Variants in LRMDA observed in about 807,000 individuals in gnomAD.
LRMDA encodes the protein leucine-rich melanocyte differentiation-associated protein.
A neutral mutation model predicts 29.8 loss-of-function variants in LRMDA; 18 were observed. That is an observed-to-expected ratio of 0.60 (90% CI 0.42 to 0.90). The LOEUF (loss-of-function observed/expected upper bound fraction) is 0.90, where lower values mean the gene tolerates loss of function less well. Ranked by LOEUF, LRMDA falls within the 40% of genes least tolerant of loss-of-function variation. LRMDA has a pLI of 0.00. For synonymous variants in LRMDA, 125 were observed against 109.4 expected (o/e 1.14, Z -0.89); for missense variants, 273 against 273.9 (o/e 1.00, Z 0.02).
At chr10:75,636,137 G>A (rs1374682609) in intron 2 of LRMDA, among the ~76,000 whole-genome samples, 2 of 152,280 alleles carry the variant, frequency 1.3e-5, no homozygotes, top group East Asian at 1.9e-4. Context: ...ATGTACCTAT[G>A]TGTAGGTACA....
At chr10:76,428,975 A>C (rs1408146560) in intron 6 of LRMDA, among the ~76,000 whole-genome samples, 1 of 151,940 alleles carries the variant, frequency 6.6e-6, no homozygotes, top group Non-Finnish European at 1.5e-5. Context: ...GTTGCTGAGA[A>C]GTGGACTGAA....
At chr10:76,109,403 A>G (rs1307418976) in intron 5 of LRMDA, among the ~76,000 whole-genome samples, 1 of 152,198 alleles carries the variant, frequency 6.6e-6, no homozygotes, top group East Asian at 1.9e-4. Context: ...TACTCCACCC[A>G]TGTGATAGAT....
chr10:75,724,623 C>T (rs953313103), intron 2 of LRMDA, among the ~76,000 whole-genome samples: 9 of 152,188 alleles, frequency 5.9e-5, no homozygotes, highest in African/African-American at 2.2e-4. Flanking sequence ...TCTGTTCTTC[C>T]TCACTTTGGA....
At chr10:75,928,489 A>G (rs1387752399) in intron 2 of LRMDA, among the ~76,000 whole-genome samples, 1 of 152,156 alleles carries the variant, frequency 6.6e-6, no homozygotes, top group Non-Finnish European at 1.5e-5. Context: ...TTATTACCTC[A>G]GCAGTATCTG....
chr10:75,737,079 G>A (rs902420475), intron 2 of LRMDA, among the ~76,000 whole-genome samples: 3 of 149,778 alleles, frequency 2.0e-5, no homozygotes, highest in Admixed American at 1.3e-4. Flanking sequence ...ACACACACAC[G>A]CACATGCATG....
chr10:75,605,577 C>T (rs1252526197), intron 2 of LRMDA, among the ~76,000 whole-genome samples: 1 of 152,180 alleles, frequency 6.6e-6, no homozygotes, highest in Non-Finnish European at 1.5e-5. Flanking sequence ...ACAGCAGGAC[C>T]CTTGTCCTAA....
At chr10:75,768,556 T>C (rs1458298656) in intron 2 of LRMDA, among the ~76,000 whole-genome samples, 2 of 152,228 alleles carry the variant, frequency 1.3e-5, no homozygotes, top group Non-Finnish European at 2.9e-5. Flanking sequence ...TTCAGCTCAC[T>C]TACCATTTTC....
At chr10:75,497,409 A>G (rs1845059008) in intron 2 of LRMDA, among the ~76,000 whole-genome samples, 1 of 151,960 alleles carries the variant, frequency 6.6e-6, no homozygotes, top group Admixed American at 6.6e-5. Context: ...TACAGACATC[A>G]GTATCCCTCA....
chr10:76,389,407 T>C (rs565104985), intron 6 of LRMDA, among the ~76,000 whole-genome samples: 9 of 152,316 alleles, frequency 5.9e-5, no homozygotes, highest in African/African-American at 2.2e-4. Flanking sequence ...CTGAATTGAC[T>C]CTTCTGTTTT....
intron 2 of LRMDA, among the ~76,000 whole-genome samples, chr10:75,965,044 G>T (rs969029288): frequency 6.6e-6 from 1 of 152,222 alleles, no homozygotes; most frequent in Non-Finnish European, 1.5e-5. Flanking sequence ...GGGATTACAG[G>T]TGTGAGCCAC....
At chr10:75,644,276 G>A (rs1397637414) in intron 2 of LRMDA, among the ~76,000 whole-genome samples, 1 of 152,182 alleles carries the variant, frequency 6.6e-6, no homozygotes, top group Non-Finnish European at 1.5e-5. Context: ...GAGGATGACT[G>A]TGGGGCAGCT....
chr10:75,811,680 C>T (rs762389670), intron 2 of LRMDA, among the ~76,000 whole-genome samples: 13 of 152,150 alleles, frequency 8.5e-5, no homozygotes, highest in South Asian at 4.1e-4. Flanking sequence ...GCTGAGGGCC[C>T]GAGAGGCAGT....
intron 5 of LRMDA, chr10:76,318,381 T>C (rs1212403872): frequency 2.0e-5 from 3 of 152,260 alleles, no homozygotes; most frequent in South Asian, 2.1e-4. Context: ...GTAGATCAGA[T>C]AGAAACAAAT....
At chr10:75,974,626 G>C (rs1318405415) in intron 2 of LRMDA, among the ~76,000 whole-genome samples, 2 of 152,170 alleles carry the variant, frequency 1.3e-5, no homozygotes, top group East Asian at 1.9e-4. Context: ...AATGAGGTAA[G>C]TATTGCTTTT....
At chr10:76,325,317 C>T (rs1244215048) in intron 6 of LRMDA, among the ~76,000 whole-genome samples, 6 of 152,288 alleles carry the variant, frequency 3.9e-5, no homozygotes, top group South Asian at 4.1e-4. Context: ...CTGCAGGAAA[C>T]GAAGAAGAGA....
rs1009361493 is a variant in LRMDA, at chr10:75,551,064, GT to G, written c.131+112578del. Among the ~76,000 whole-genome samples the G allele has an allele frequency of 5.0e-5, 7 of 141,146 alleles. No individual in the cohort carries two copies. In the East Asian group the frequency reaches 6.1e-4, roughly 12 times the overall value. 92.6% of individuals were successfully genotyped at this position (141,146 alleles called of 152,430 possible). A position where few individuals can be genotyped will look rare whatever the true frequency, so the allele number is the denominator to read the frequency against. On this transcript the variant is annotated intron_variant, in intron 2 of 6. Coordinates refer to ENST00000611255, the MANE Select transcript of LRMDA (RefSeq NM_001305581.2). ...TCTTTTTTTTTTAACCTGGGAAAAT[GT>G]TTTTTTTACTTGATTAATAGGAAAA...
At chr10:76,516,284 G>GA (rs1454662428) in intron 6 of LRMDA, among the ~76,000 whole-genome samples, 1 of 152,136 alleles carries the variant, frequency 6.6e-6, no homozygotes, top group Non-Finnish European at 1.5e-5. Flanking sequence ...AAATTTGTAT[G>GA]AAATGATTAA....
rs896402243 is a variant in LRMDA, at chr10:75,728,512, G to A, written c.131+290018G>A. ...ACAGAGGTGGTAGACACTGGAAAACGTGGTCCACATCCTCAAGAAGGGCAG... is the reference window on the plus strand; with the variant it reads ...ACAGAGGTGGTAGACACTGGAAAACATGGTCCACATCCTCAAGAAGGGCAG... On this transcript the variant is annotated intron_variant, in intron 2 of 6. Transcript: ENST00000611255. 7.9e-5 allele frequency among the ~76,000 whole-genome samples: 12 copies of A among 151,050 alleles called. No homozygotes were observed. The South Asian group carries it at 1.7e-3, about 21-fold the overall frequency.
intron 2 of LRMDA, among the ~76,000 whole-genome samples, chr10:75,962,729 C>T (rs1846790883): frequency 6.6e-6 from 1 of 152,192 alleles, no homozygotes; most frequent in African/African-American, 2.4e-5. Context: ...AGTGTGCAAC[C>T]TGTACCTCCA....
Sources: gnomAD v4.1 joint callset for allele counts (sites outside exome capture counted in the v4.1 genomes callset) on GRCh38, gnomAD v4.1.1 for gene constraint, MANE v1.5 for transcripts, NCBI Gene and HGNC (gene_info 2026-07-23, HGNC 2026-07-21) for gene names.